Variants in CCDC171 observed in about 807,000 individuals in gnomAD.
CCDC171 encodes coiled-coil domain containing 171.
Under a neutral mutation model 168.2 loss-of-function variants are expected in CCDC171, and 177 were observed. The observed-to-expected ratio is 1.05, with a 90% CI of 0.93 to 1.19. The LOEUF is 1.19. Ranked by LOEUF, CCDC171 falls within the 50% of genes most tolerant of loss-of-function variation. CCDC171 has a pLI of 0.00. For missense variants in CCDC171, 1,991 were observed against 1,539.0 expected (o/e 1.29, Z -4.91); for synonymous variants, 687 against 540.8 (o/e 1.27, Z -3.75).
intron 18 of CCDC171, among the ~76,000 whole-genome samples, chr9:15,755,655 A>T (rs1047874605): frequency 6.6e-6 from 1 of 152,220 alleles, no homozygotes; most frequent in African/African-American, 2.4e-5. Flanking sequence ...TATAATGTGA[A>T]TGATCCCTGA....
At position 15,636,062 on chromosome 9, in the gene CCDC171, T is replaced by A. The variant is rs114441364; in HGVS notation, c.822+12649T>A. Among the ~76,000 whole-genome samples the A allele has an allele frequency of 2.1e-3, 320 of 152,304 alleles. 2 individuals carry two copies. Among genetic ancestry groups the A allele is most frequent in the African/African-American group, 7.1e-3 (296 of 41,574 alleles). ...TGATGATGTTGAATATCATTTTATGTGCTTATTAGGCATTCATGTATCTTC... is the reference window on the plus strand; with the variant it reads ...TGATGATGTTGAATATCATTTTATGAGCTTATTAGGCATTCATGTATCTTC... On this transcript the variant is annotated intron_variant, in intron 7 of 25. Coordinates refer to ENST00000380701, the MANE Select transcript of CCDC171 (RefSeq NM_173550.4).
chr9:16,037,586 G>T (rs939071150), intron 8 of CCDC171, among the ~76,000 whole-genome samples: 1 of 152,036 alleles, frequency 6.6e-6, no homozygotes, highest in African/African-American at 2.4e-5. Flanking sequence ...ATGATTCAAA[G>T]CATAAAATTA....
intron 24 of CCDC171, among the ~76,000 whole-genome samples, chr9:15,888,678 A>G (rs1819769450): frequency 6.6e-6 from 1 of 152,112 alleles, no homozygotes; most frequent in Non-Finnish European, 1.5e-5. Context: ...ATATGACCCT[A>G]TAGACTTAAG....
chr9:15,976,061 G>C (rs1831611012), downstream of CCDC171, among the ~76,000 whole-genome samples: 1 of 152,050 alleles, frequency 6.6e-6, no homozygotes, highest in Admixed American at 6.6e-5. Flanking sequence ...CAGACTTAAG[G>C]CTTTCAGGGC....
chr9:15,845,819 C>G (rs139802633), intron 21 of CCDC171: 108 of 152,086 alleles, frequency 7.1e-4, no homozygotes, highest in African/African-American at 2.5e-3. Flanking sequence ...CTAAGCGATC[C>G]TCTGATCCCT....
chr9:15,687,420 C>T (rs956840758), intron 10 of CCDC171, among the ~76,000 whole-genome samples: 6 of 50,444 alleles, frequency 1.2e-4, no homozygotes, highest in South Asian at 2.1e-3. Flanking sequence ...AGCGAGACCC[C>T]GTCTCTTAAA....
At chr9:15,893,056 C>G (rs1276750657) in intron 24 of CCDC171, among the ~76,000 whole-genome samples, 2 of 152,138 alleles carry the variant, frequency 1.3e-5, no homozygotes, top group African/African-American at 4.8e-5. Context: ...CTACAGTAAT[C>G]AAAACAGCAC....
chr9:15,703,432 C>T (rs374260937), intron 11 of CCDC171, among the ~76,000 whole-genome samples: 2 of 152,226 alleles, frequency 1.3e-5, no homozygotes, highest in African/African-American at 4.8e-5. Flanking sequence ...CCACCAGCCT[C>T]TGATAACCAC....
the CCDC171 span, among the ~76,000 whole-genome samples, chr9:16,078,534 A>G: frequency 6.6e-6 from 1 of 152,212 alleles, no homozygotes. Flanking sequence ...GGGCTTCTCT[A>G]TCAACTCTGG....
chr9:15,921,857 A>C (rs887082375), intron 25 of CCDC171, among the ~76,000 whole-genome samples: 2 of 151,546 alleles, frequency 1.3e-5, no homozygotes, highest in Admixed American at 1.3e-4. Flanking sequence ...TTAATTTTAC[A>C]TTATACTGTT....
chr9:15,713,946 T>C (rs1006896752), intron 11 of CCDC171, among the ~76,000 whole-genome samples: 64 of 151,780 alleles, frequency 4.2e-4, no homozygotes, highest in African/African-American at 1.5e-3. Context: ...TCCTGCTAGA[T>C]GAAAAAAACT....
At chr9:15,636,090 T>C (rs920269431) in intron 7 of CCDC171, among the ~76,000 whole-genome samples, 1 of 152,176 alleles carries the variant, frequency 6.6e-6, no homozygotes, top group Non-Finnish European at 1.5e-5. Context: ...GTATCTTCTT[T>C]GGAGAAATAG....
chr9:16,002,394 A>G (rs1249053374), intron 3 of CCDC171, among the ~76,000 whole-genome samples: 1 of 151,990 alleles, frequency 6.6e-6, no homozygotes, highest in Non-Finnish European at 1.5e-5. Flanking sequence ...TTGTTTTTTA[A>G]CAAAAAGGTT....
chr9:15,699,513 C>G (rs934958528), intron 11 of CCDC171, among the ~76,000 whole-genome samples: 11 of 152,142 alleles, frequency 7.2e-5, no homozygotes, highest in African/African-American at 2.4e-4. Context: ...GCCAAGTGGT[C>G]TGTTTTGACA....
At chr9:15,813,626 A>G (rs773022381) in intron 21 of CCDC171, among the ~76,000 whole-genome samples, 1,785 of 114,558 alleles carry the variant, frequency 0.016, 19 homozygotes, top group South Asian at 0.025. Context: ...GTGTGTGTAT[A>G]TATATATATA....
intron 10 of CCDC171, among the ~76,000 whole-genome samples, chr9:15,691,546 T>TATATATATATATATATATATATATATATA (rs1554762228): frequency 9.4e-6 from 1 of 106,404 alleles, no homozygotes; most frequent in Non-Finnish European, 1.8e-5. Context: ...TATATGTTTT[T>TATATATATATATATATATATATATATATA]TATATATATA....
downstream of CCDC171, among the ~76,000 whole-genome samples, chr9:16,064,048 C>T (rs141687389): frequency 6.6e-6 from 1 of 152,312 alleles, no homozygotes; most frequent in African/African-American, 2.4e-5. Flanking sequence ...CTGAATTTGC[C>T]TGCCCCAGTT....
intron 7 of CCDC171, among the ~76,000 whole-genome samples, chr9:15,634,514 G>C (rs569697119): frequency 6.6e-6 from 1 of 152,114 alleles, no homozygotes; most frequent in African/African-American, 2.4e-5. Context: ...TCAGCTTCTG[G>C]TTCAGATTTA....
intron 25 of CCDC171, among the ~76,000 whole-genome samples, chr9:15,924,390 C>T (rs1204336681): frequency 6.7e-6 from 1 of 149,200 alleles, no homozygotes; most frequent in Non-Finnish European, 1.5e-5. Context: ...AGATGTTGGG[C>T]AGTCTAGTGA....
Sources: allele counts gnomAD v4.1 joint callset (sites outside exome capture counted in the v4.1 genomes callset), GRCh38; gene constraint gnomAD v4.1.1; transcripts MANE v1.5; gene names NCBI Gene and HGNC (gene_info 2026-07-23, HGNC 2026-07-21).